CHCT1: variants seen among roughly 807,000 people sequenced by gnomAD.
CHCT1 encodes CHD1 helical C-terminal domain containing protein 1.
the CHCT1 span, among the ~76,000 whole-genome samples, chr17:60,425,595 G>A: frequency 6.6e-6 from 1 of 152,316 alleles, no homozygotes; most frequent in East Asian, 1.9e-4. Flanking sequence ...GAATATTCTA[G>A]GTTTTCTAAG....
chr17:60,428,907 T>A, the CHCT1 span, among the ~76,000 whole-genome samples: 123 of 146,108 alleles, frequency 8.4e-4, 1 homozygote, highest in Middle Eastern at 7.2e-3. Context: ...AGGCTCCCAT[T>A]TTTTTTTTTT....
chr17:60,428,238 G>C, the CHCT1 span, among the ~76,000 whole-genome samples: 18,530 of 152,146 alleles, frequency 0.12, 2,274 homozygotes, highest in African/African-American at 0.31. Flanking sequence ...AAGGTAATTT[G>C]TCGCAGTCTT....
At chr17:60,425,480 T>C in the CHCT1 span, among the ~76,000 whole-genome samples, 3,227 of 152,306 alleles carry the variant, frequency 0.021, 135 homozygotes, top group African/African-American at 0.074. Context: ...TATAACAACA[T>C]CTAACCTGAC....
At chr17:60,423,685 T>C in the CHCT1 span, among the ~76,000 whole-genome samples, 2 of 152,336 alleles carry the variant, frequency 1.3e-5, no homozygotes, top group African/African-American at 4.8e-5. Context: ...AGGCTGGTCT[T>C]GAACTTCTGG....
chr17:60,431,113 G>A, the CHCT1 span: 2 of 1,095,876 alleles, frequency 1.8e-6, no homozygotes, highest in South Asian at 1.4e-5. Context: ...CACCCCCCAT[G>A]TATTACAGAC....
the CHCT1 span, among the ~76,000 whole-genome samples, chr17:60,427,864 G>A: frequency 3.3e-3 from 509 of 152,066 alleles, 6 homozygotes; most frequent in African/African-American, 0.01. Context: ...CACTCCCCTG[G>A]CGACCACTGA....
At chr17:60,422,873 G>T in the CHCT1 span, among the ~76,000 whole-genome samples, 3,326 of 152,210 alleles carry the variant, frequency 0.022, 37 homozygotes, top group Non-Finnish European at 0.032. Flanking sequence ...ATGAAGACTT[G>T]AGAGTATGTG....
the CHCT1 span, chr17:60,429,292 G>A: frequency 5.6e-5 from 83 of 1,490,848 alleles, no homozygotes; most frequent in East Asian, 1.4e-3. Context: ...CAACAAATGC[G>A]GTGCTGGGAC....
chr17:60,426,579 C>A, the CHCT1 span: 2 of 1,260,106 alleles, frequency 1.6e-6, no homozygotes, highest in Non-Finnish European at 2.2e-6. Flanking sequence ...CAAATCCCCA[C>A]CCCTCCATTC....
the CHCT1 span, among the ~76,000 whole-genome samples, chr17:60,423,034 T>A: frequency 2.0e-5 from 3 of 151,962 alleles, no homozygotes; most frequent in Admixed American, 2.0e-4. Context: ...CCCTTCAGAG[T>A]GGTCTGGACG....
chr17:60,428,258 TAGGA>T, the CHCT1 span, among the ~76,000 whole-genome samples: 1 of 152,102 alleles, frequency 6.6e-6, no homozygotes, highest in African/African-American at 2.4e-5. Flanking sequence ...TTATAGCAAG[TAGGA>T]AGGAAGAGGA....
chr17:60,426,813 T>G, the CHCT1 span: 6 of 1,602,278 alleles, frequency 3.7e-6, no homozygotes, highest in South Asian at 6.7e-5. Context: ...CCGGCCAAGT[T>G]CCTGGTGAGG....
chr17:60,422,751 C>T, the CHCT1 span: 1 of 1,182,766 alleles, frequency 8.5e-7, no homozygotes, highest in Non-Finnish European at 1.2e-6. Context: ...TGATAGGGTA[C>T]CTGAGATAGC....
At chr17:60,422,340 G>C in the CHCT1 span, 1 of 889,286 alleles carries the variant, frequency 1.1e-6, no homozygotes, top group Non-Finnish European at 1.6e-6. Context: ...GTCTTCGCTC[G>C]ACCCCGCACA....
the CHCT1 span, chr17:60,421,273 C>A: frequency 1.3e-6 from 1 of 769,638 alleles, no homozygotes; most frequent in Non-Finnish European, 1.6e-6. Flanking sequence ...ACAATAACAA[C>A]AAGACGTTTG....
At chr17:60,429,858 T>C in the CHCT1 span, among the ~76,000 whole-genome samples, 1 of 152,098 alleles carries the variant, frequency 6.6e-6, no homozygotes, top group Admixed American at 6.5e-5. Flanking sequence ...GGAGTCTCGC[T>C]CTGTCACCCA....
chr17:60,422,064 G>A, the CHCT1 span: 1 of 564,078 alleles, frequency 1.8e-6, no homozygotes, highest in Non-Finnish European at 2.2e-6. Context: ...CAACTTCCTG[G>A]AGGCCGCAGG....
the CHCT1 span, chr17:60,421,684 G>C: frequency 1.2e-6 from 1 of 847,826 alleles, no homozygotes; most frequent in Non-Finnish European, 1.4e-6. Flanking sequence ...CGAGGGTCCC[G>C]GGGCCTCCTG....
chr17:60,424,308 G>C, the CHCT1 span, among the ~76,000 whole-genome samples: 1 of 152,080 alleles, frequency 6.6e-6, no homozygotes, highest in Non-Finnish European at 1.5e-5. Context: ...CAAAGAAATG[G>C]GCCCAGTCTG....
Sources: gnomAD v4.1 joint callset for allele counts (sites outside exome capture counted in the v4.1 genomes callset) on GRCh38, gnomAD v4.1.1 for gene constraint, MANE v1.5 for transcripts, NCBI Gene and HGNC (gene_info 2026-07-23, HGNC 2026-07-21) for gene names.